The following PALM2AKAP2 variants were observed in gnomAD, a reference collection of about 807,000 sequenced individuals.
PALM2AKAP2 encodes the protein PALM2 and AKAP2 fusion, also known as PALM2-AKAP2 fusion protein.
A neutral mutation model predicts 71.5 loss-of-function variants in PALM2AKAP2; 37 were observed. The ratio of observed to expected loss-of-function variants is 0.52; its 90% CI spans 0.40 to 0.68. The LOEUF is 0.68. Ranked by LOEUF, PALM2AKAP2 falls within the 30% of genes least tolerant of loss-of-function variation. The pLI, the probability that PALM2AKAP2 is intolerant of heterozygous loss-of-function variation, is 0.00. For synonymous variants in PALM2AKAP2, 468 were observed against 478.8 expected (o/e 0.98, Z 0.29); for missense variants, 1,224 against 1,191.8 (o/e 1.03, Z -0.40).
intron 2 of PALM2AKAP2, among the ~76,000 whole-genome samples, chr9:110,152,585 A>G (rs1192818323): frequency 6.6e-6 from 1 of 152,222 alleles, no homozygotes; most frequent in Non-Finnish European, 1.5e-5. Context: ...CCTGTGGCAC[A>G]GACTATTTGC....
chr9:110,096,695 A>G (rs1834848004), intron 1 of PALM2AKAP2, among the ~76,000 whole-genome samples: 2 of 150,920 alleles, frequency 1.3e-5, no homozygotes, highest in African/African-American at 2.4e-5. Context: ...TGTGTCCAAA[A>G]TGAGGAGATG....
chr9:110,115,408 G>C (rs1835341470), intron 1 of PALM2AKAP2, among the ~76,000 whole-genome samples: 1 of 152,336 alleles, frequency 6.6e-6, no homozygotes, highest in Admixed American at 6.5e-5. Flanking sequence ...GCATCCGTTT[G>C]CTGCATGAGA....
At position 109,860,536 on chromosome 9, in the gene PALM2AKAP2, C is replaced by T. The variant is rs1829282238; in HGVS notation, c.46-6955C>T. Among the ~76,000 whole-genome samples the T allele has an allele frequency of 1.3e-5, 2 of 152,198 alleles. 1 individual carries two copies. The highest frequency in any genetic ancestry group is 4.1e-4 in the South Asian group (2 of 4,828). Reference sequence around the variant, plus strand: ...GGCCAAAGTAATTTCAGTATCCTTACTGGAATCTTCTGGAGAACATCAGAG... The same window carrying T: ...GGCCAAAGTAATTTCAGTATCCTTATTGGAATCTTCTGGAGAACATCAGAG... On this transcript the variant is annotated intron_variant, in intron 1 of 9. Coordinates refer to the PALM2AKAP2 transcript ENST00000302798.
chr9:109,700,041 T>A (rs1341917830), intron 1 of PALM2AKAP2, among the ~76,000 whole-genome samples: 1 of 152,186 alleles, frequency 6.6e-6, no homozygotes, highest in African/African-American at 2.4e-5. Context: ...CCCAGATTGC[T>A]GAGATTACAG....
At chr9:109,827,467 G>A (rs151320286) in intron 1 of PALM2AKAP2, among the ~76,000 whole-genome samples, 1 of 152,216 alleles carries the variant, frequency 6.6e-6, no homozygotes, top group East Asian at 1.9e-4. Flanking sequence ...AAATTAGCCA[G>A]GCATGGTGGG....
intron 7 of PALM2AKAP2, among the ~76,000 whole-genome samples, chr9:110,035,369 T>TAG (rs1833372109): frequency 7.1e-6 from 1 of 141,612 alleles, no homozygotes; most frequent in African/African-American, 2.6e-5. Context: ...TAATACATAT[T>TAG]ATATACATAT....
At chr9:109,701,510 A>G (rs1215270328) in intron 1 of PALM2AKAP2, among the ~76,000 whole-genome samples, 2 of 152,250 alleles carry the variant, frequency 1.3e-5, no homozygotes, top group African/African-American at 4.8e-5. Flanking sequence ...TACCTATTTA[A>G]TAAATGATGC....
intron 3 of PALM2AKAP2, among the ~76,000 whole-genome samples, chr9:109,910,075 A>G (rs534730990): frequency 1.3e-5 from 2 of 152,352 alleles, no homozygotes; most frequent in South Asian, 2.1e-4. Context: ...AGAAGCAGCT[A>G]TGAAAAGAGA....
intron 1 of PALM2AKAP2, among the ~76,000 whole-genome samples, chr9:109,823,622 A>G (rs2131502283): frequency 6.6e-6 from 1 of 152,238 alleles, no homozygotes; most frequent in African/African-American, 2.4e-5. Context: ...CCTTCTCCCA[A>G]TCAGGCTGCC....
chr9:110,157,453 C>T (rs1188483879), intron 3 of PALM2AKAP2, among the ~76,000 whole-genome samples: 1 of 152,054 alleles, frequency 6.6e-6, no homozygotes, highest in African/African-American at 2.4e-5. Flanking sequence ...GGCTGGAATG[C>T]ATTGATGTAA....
chr9:110,120,859 A>C (rs771612597), intron 1 of PALM2AKAP2, among the ~76,000 whole-genome samples: 6 of 152,244 alleles, frequency 3.9e-5, no homozygotes, highest in Admixed American at 6.5e-5. Context: ...AAACACTGAA[A>C]GACTGCAGGA....
At chr9:109,942,254 T>C (rs984486874) in intron 6 of PALM2AKAP2, among the ~76,000 whole-genome samples, 2 of 152,198 alleles carry the variant, frequency 1.3e-5, no homozygotes, top group African/African-American at 4.8e-5. Context: ...ACGAAAACAC[T>C]TGATGAAAGA....
At chr9:110,104,143 GA>G (rs1176087298) in intron 1 of PALM2AKAP2, among the ~76,000 whole-genome samples, 1 of 124,046 alleles carries the variant, frequency 8.1e-6, no homozygotes, top group East Asian at 2.8e-4. Context: ...GTCTGCAACT[GA>G]ACAGCCTAGG....
chr9:110,015,993 C>A lies in PALM2AKAP2; in HGVS notation c.536C>A (p.Ser179Ter). The A allele has an allele frequency of 6.2e-7, 1 of 1,613,970 alleles. No individual in the cohort carries two copies. The highest frequency in any genetic ancestry group is 1.1e-5 in the South Asian group (1 of 91,026). The change falls in exon 7 of 10, where the codon TCA becomes TAA. Residue 179 changes from serine to a stop codon, truncating the protein, a stop_gained. Coordinates refer to the PALM2AKAP2 transcript ENST00000302798. LOFTEE classifies it high-confidence loss of function. The stretch of plus-strand genomic sequence containing the variant: ...AATGTGCTGCTAAAGGAAGGTGAGT[C>A]AGCCTCGAACGCCACAGAAACATCC...
At chr9:109,964,798 C>T (rs545800903) in intron 6 of PALM2AKAP2, among the ~76,000 whole-genome samples, 5 of 152,316 alleles carry the variant, frequency 3.3e-5, no homozygotes, top group African/African-American at 9.6e-5. Context: ...AAATAACTCT[C>T]AGGCCATGGA....
chr9:110,104,277 C>T (rs1835066672), intron 1 of PALM2AKAP2, among the ~76,000 whole-genome samples: 1 of 151,940 alleles, frequency 6.6e-6, no homozygotes. Flanking sequence ...ATGTTTAGCC[C>T]CAAACAAATT....
chr9:109,683,475 G>A (rs1827766370), intron 1 of PALM2AKAP2, among the ~76,000 whole-genome samples: 3 of 152,136 alleles, frequency 2.0e-5, no homozygotes, highest in Admixed American at 2.0e-4. Flanking sequence ...CCAGAAGCAG[G>A]GAGAGAAGGC....
intron 7 of PALM2AKAP2, 41 bp downstream of exon 7, chr9:110,016,080 T>C (rs1389426025): frequency 3.8e-6 from 6 of 1,586,354 alleles, no homozygotes; most frequent in Non-Finnish European, 5.2e-6. Context: ...AGTGTATCTC[T>C]AGAGTAAAGG....
intron 1 of PALM2AKAP2, among the ~76,000 whole-genome samples, chr9:109,649,007 A>G (rs1026495142): frequency 2.0e-5 from 3 of 151,152 alleles, no homozygotes; most frequent in Admixed American, 6.6e-5. Context: ...AGGCTAGACT[A>G]TTTCTTCTTT....
Sources: gnomAD v4.1 joint callset for allele counts (sites outside exome capture counted in the v4.1 genomes callset) on GRCh38, gnomAD v4.1.1 for gene constraint, MANE v1.5 for transcripts, NCBI Gene and HGNC (gene_info 2026-07-23, HGNC 2026-07-21) for gene names.